ZFAND1: variants seen among roughly 807,000 people sequenced by gnomAD.
ZFAND1 encodes zinc finger AN1-type containing 1.
ZFAND1 carries 40 observed loss-of-function variants against 38.5 expected under a neutral mutation model. The ratio of observed to expected loss-of-function variants is 1.04; its 90% CI spans 0.81 to 1.35. ZFAND1 has a LOEUF of 1.35. Ranked by LOEUF, ZFAND1 falls within the 40% of genes most tolerant of loss-of-function variation. The probability of loss-of-function intolerance (pLI) is 0.00; values close to 1 mark genes in which losing one functional copy is unlikely to be tolerated. For synonymous variants in ZFAND1, 117 were observed against 103.6 expected, an observed-to-expected ratio of 1.13 and a Z score of -0.78; for missense variants, 346 against 316.3, an observed-to-expected ratio of 1.09 and a Z score of -0.71.
At chr8:81,708,918 T>C (rs111620807) in intron 6 of ZFAND1, 24 of 425,946 alleles carry the variant, frequency 5.6e-5, no homozygotes, top group African/African-American at 4.6e-4. Context: ...ATACTTAGTA[T>C]AGGCAATCCG....
chr8:81,708,517 T>G (rs927849212), intron 6 of ZFAND1, among the ~76,000 whole-genome samples: 25 of 151,492 alleles, frequency 1.7e-4, no homozygotes, highest in African/African-American at 5.8e-4. Flanking sequence ...AAGAAAAATA[T>G]CCCAAAAGAA....
rs115659224 is a variant in ZFAND1, at chr8:81,716,366, T to C, written c.138+883A>G. Among the ~76,000 whole-genome samples, 1,157 of 152,288 alleles carry C rather than the reference T, an allele frequency of 7.6e-3. 10 individuals carry two copies. The highest frequency in any genetic ancestry group is 0.026 in the African/African-American group (1,061 of 41,550). ...ATTCTGGATATTCTTTGCAAACCCA[T>C]TTGCTCTATGCTGAACTTCATCATT... On this transcript the variant is annotated intron_variant, in intron 3 of 7. Coordinates refer to ENST00000220669, the MANE Select transcript of ZFAND1 (RefSeq NM_024699.3).
intron 6 of ZFAND1, among the ~76,000 whole-genome samples, chr8:81,707,974 C>T (rs570433447): frequency 4.6e-5 from 7 of 152,110 alleles, no homozygotes; most frequent in Admixed American, 1.3e-4. Context: ...ACAAGCCAGG[C>T]GCAGTGGCTC....
chr8:81,719,367 C>T (rs955624629), intron 1 of ZFAND1, among the ~76,000 whole-genome samples: 1 of 113,978 alleles, frequency 8.8e-6, no homozygotes, highest in African/African-American at 3.6e-5. Flanking sequence ...ATTAGCTGGG[C>T]GTGGTGGTTC....
At chr8:81,713,821 G>A (rs953992062) in intron 6 of ZFAND1, 97 bp downstream of exon 6, 1 of 1,222,930 alleles carries the variant, frequency 8.2e-7, no homozygotes, top group East Asian at 2.3e-5. Flanking sequence ...ATACATACCA[G>A]GTTTAGGTTA....
At chr8:81,712,219 T>C (rs1041374463) in intron 6 of ZFAND1, among the ~76,000 whole-genome samples, 1 of 152,070 alleles carries the variant, frequency 6.6e-6, no homozygotes, top group Non-Finnish European at 1.5e-5. Flanking sequence ...CCTAGCAAAT[T>C]AGGAATAGAA....
At chr8:81,714,325 T>TA (rs1808235194) in intron 5 of ZFAND1, 1 of 291,200 alleles carries the variant, frequency 3.4e-6, no homozygotes, top group South Asian at 5.8e-5. Context: ...CAGACAACCT[T>TA]AAGATTTGGT....
At position 81,702,976 on chromosome 8, in the gene ZFAND1, G is replaced by A. The variant is rs200491535; in HGVS notation, c.629C>T (p.Thr210Ile). ...ATTATAATGAGATGTTACCTTAGCT[G>A]TAAATTTGTTATTGTCATTTTTAAG... ...ARLKNDNNKF[T>I]AKKLRLCHIT... The change falls in exon 7 of 8, where the codon ACA (threonine) becomes ATA (isoleucine). Residue 210 changes from threonine to isoleucine, a missense_variant. Thr to Ile is a moderately conservative substitution (Grantham distance 89, BLOSUM62 -1). Coordinates refer to ENST00000220669, the MANE Select transcript of ZFAND1 (RefSeq NM_024699.3). 64 of 1,512,808 alleles carry A rather than the reference G, an allele frequency of 4.2e-5. No individual in the cohort carries two copies. The highest frequency in any genetic ancestry group is 5.3e-5 in the Non-Finnish European group (60 of 1,128,896). The allele number at this position is 1,512,808 out of a possible 1,614,324, so 93.7% of individuals were successfully genotyped here. A position where few individuals can be genotyped will look rare whatever the true frequency, so the allele number is the denominator to read the frequency against.
intron 6 of ZFAND1, among the ~76,000 whole-genome samples, chr8:81,708,008 G>A (rs1808031780): frequency 6.6e-6 from 1 of 152,134 alleles, no homozygotes; most frequent in South Asian, 2.1e-4. Context: ...CAGCACCTTG[G>A]GAGGCTGAGG....
intron 5 of ZFAND1, 35 bp from the exon 6 acceptor site, chr8:81,714,074 T>C: frequency 6.5e-7 from 1 of 1,544,882 alleles, no homozygotes; most frequent in Non-Finnish European, 8.7e-7. Context: ...CATAAAACTT[T>C]CACATTACAA....
intron 3 of ZFAND1, among the ~76,000 whole-genome samples, chr8:81,715,390 A>G (rs1808276259): frequency 6.6e-6 from 1 of 152,182 alleles, no homozygotes; most frequent in Non-Finnish European, 1.5e-5. Flanking sequence ...GCTTTGTAAC[A>G]GTCTCATACA....
chr8:81,716,702 ACTTTGGAGG>A (rs956223364), intron 3 of ZFAND1, among the ~76,000 whole-genome samples: 6 of 152,198 alleles, frequency 3.9e-5, no homozygotes, highest in Non-Finnish European at 8.8e-5. Context: ...TAACCCCAAC[ACTTTGGAGG>A]CCAAGGCGGG....
Position 81,721,260 on chromosome 8 carries a change from G to A in ZFAND1, c.22C>T (p.Gln8Ter), listed in dbSNP as rs540661193. 3 of 1,549,308 alleles carry A rather than the reference G, an allele frequency of 1.9e-6. No individual in the cohort carries two copies. Among genetic ancestry groups the A allele is most frequent in the Admixed American group, 3.9e-5 (2 of 51,062 alleles). MAELDIG[Q>*]HCQVEHCRQR... ...CGGCAATGCTCCACCTGGCAGTGCT[G>A]CCCGATGTCCAACTCCGCCATCTCT... The change falls in exon 1 of 8, where the codon CAG becomes TAG. Residue 8 changes from glutamine (Q) to a stop codon, truncating the protein, a stop_gained. Coordinates refer to ENST00000220669, the MANE Select transcript of ZFAND1 (RefSeq NM_024699.3). LOFTEE classifies it high-confidence loss of function.
At chr8:81,715,207 G>C in intron 3 of ZFAND1, 93 bp from the exon 4 acceptor site, 1 of 1,413,708 alleles carries the variant, frequency 7.1e-7, no homozygotes, top group Non-Finnish European at 9.6e-7. Flanking sequence ...TTTTATTTTT[G>C]CTTAAACTTA....
chr8:81,706,229 G>C (rs1807974938), intron 6 of ZFAND1, among the ~76,000 whole-genome samples: 1 of 151,762 alleles, frequency 6.6e-6, no homozygotes, highest in Admixed American at 6.6e-5. Flanking sequence ...AAGTTTAATA[G>C]GCAATCCAGC....
At chr8:81,716,231 A>G (rs1490820428) in intron 3 of ZFAND1, among the ~76,000 whole-genome samples, 3 of 152,236 alleles carry the variant, frequency 2.0e-5, no homozygotes, top group Non-Finnish European at 2.9e-5. Context: ...GTTAGAACAC[A>G]TTGAACATGG....
In ZFAND1 at chr8:81,715,036, C is replaced by G; in HGVS notation, c.217G>C (p.Glu73Gln). The G allele has an allele frequency of 5.0e-6, 8 of 1,614,116 alleles. No homozygotes were observed. The highest frequency in any genetic ancestry group is 6.8e-6 in the Non-Finnish European group (8 of 1,179,984). Residue 73 changes from glutamate (E) to glutamine (Q), a missense_variant, in exon 4 of 8, where the codon GAA becomes CAA. Coordinates refer to ENST00000220669, the MANE Select transcript of ZFAND1 (RefSeq NM_024699.3). Reference sequence around the variant, plus strand: ...TAAGGACATATAACTGCCACAAGTTCTCTCTCAGCACAGTCTTTGAAAGAG... The same window carrying G: ...TAAGGACATATAACTGCCACAAGTTGTCTCTCAGCACAGTCTTTGAAAGAG... ...PCSFKDCAER[E>Q]LVAVICPYCE...
At chr8:81,709,697 A>ATTAATAATAAAGG (rs1808081172) in intron 6 of ZFAND1, among the ~76,000 whole-genome samples, 1 of 152,114 alleles carries the variant, frequency 6.6e-6, no homozygotes, top group Non-Finnish European at 1.5e-5. Flanking sequence ...TTACACACAC[A>ATTAATAATAAAGG]CAAACATTAA....
intron 3 of ZFAND1, among the ~76,000 whole-genome samples, chr8:81,715,867 A>C (rs958794146): frequency 6.6e-6 from 1 of 152,192 alleles, no homozygotes; most frequent in African/African-American, 2.4e-5. Context: ...AATTAACGAG[A>C]CCTAATTATC....
Sources: allele counts gnomAD v4.1 joint callset (sites outside exome capture counted in the v4.1 genomes callset), GRCh38; gene constraint gnomAD v4.1.1; transcripts MANE v1.5; gene names NCBI Gene and HGNC (gene_info 2026-07-23, HGNC 2026-07-21).